Variants in RARB observed in about 807,000 individuals in gnomAD.
The protein encoded by RARB is HBV-activated protein.
A neutral mutation model predicts 51.9 loss-of-function variants in RARB; 17 were observed. The ratio of observed to expected loss-of-function variants is 0.33; its 90% CI spans 0.22 to 0.49. The LOEUF is 0.49. Ranked by LOEUF, RARB falls within the 20% of genes least tolerant of loss-of-function variation. The pLI, the probability that RARB is intolerant of heterozygous loss-of-function variation, is 0.99. For synonymous variants in RARB, 215 were observed against 195.4 expected (o/e 1.10, Z -0.84); for missense variants, 369 against 550.8 (o/e 0.67, Z 3.30).
intron 5 of RARB, among the ~76,000 whole-genome samples, chr3:25,403,735 A>T (rs1707327626): frequency 6.6e-6 from 1 of 151,628 alleles, no homozygotes; most frequent in South Asian, 2.1e-4. Context: ...ATGAGTTCTG[A>T]TATTTTCCTG....
chr3:25,055,575 T>C (rs1243506785), intron 2 of RARB, among the ~76,000 whole-genome samples: 1 of 152,148 alleles, frequency 6.6e-6, no homozygotes, highest in African/African-American at 2.4e-5. Context: ...TTTGGGAAAC[T>C]AGCTGTCTTA....
intron 5 of RARB, among the ~76,000 whole-genome samples, chr3:25,378,436 A>C (rs548433875): frequency 2.6e-5 from 4 of 152,310 alleles, no homozygotes; most frequent in Non-Finnish European, 5.9e-5. Flanking sequence ...CATTGGCTTC[A>C]TCCTATACCC....
At chr3:25,246,170 A>G (rs1389750389) in intron 5 of RARB, among the ~76,000 whole-genome samples, 2 of 152,024 alleles carry the variant, frequency 1.3e-5, no homozygotes, top group Non-Finnish European at 2.9e-5. Flanking sequence ...CAGCTCCATC[A>G]GGTCATGTAT....
chr3:25,372,831 A>G (rs1559375996), intron 5 of RARB, among the ~76,000 whole-genome samples: 1 of 152,230 alleles, frequency 6.6e-6, no homozygotes. Context: ...ATCTCCAAAA[A>G]GGAAAAAAAG....
At chr3:25,291,402 GC>G (rs1333170688) in intron 5 of RARB, among the ~76,000 whole-genome samples, 4 of 151,108 alleles carry the variant, frequency 2.6e-5, no homozygotes, top group African/African-American at 9.7e-5. Context: ...CTGTAAAAAT[GC>G]TTGCCCTAAG....
chr3:25,392,372 G>C (rs891320073), intron 5 of RARB, among the ~76,000 whole-genome samples: 1 of 146,214 alleles, frequency 6.8e-6, no homozygotes, highest in African/African-American at 2.5e-5. Flanking sequence ...GGCTATGTGG[G>C]CTTTTTTTTT....
At chr3:25,199,522 A>G (rs1701337695) in intron 5 of RARB, among the ~76,000 whole-genome samples, 1 of 152,092 alleles carries the variant, frequency 6.6e-6, no homozygotes, top group South Asian at 2.1e-4. Flanking sequence ...TTACATATGT[A>G]TACATGTGCC....
intron 1 of RARB, among the ~76,000 whole-genome samples, chr3:24,855,839 C>T (rs1398213301): frequency 4.7e-5 from 7 of 150,524 alleles, no homozygotes; most frequent in Non-Finnish European, 8.8e-5. Flanking sequence ...GCAAGCTCCG[C>T]GTCCCGGGTT....
chr3:25,464,988 C>T (rs190971788), intron 2 of RARB, among the ~76,000 whole-genome samples: 5 of 151,870 alleles, frequency 3.3e-5, no homozygotes, highest in African/African-American at 1.2e-4. Context: ...CAGTTTTTTT[C>T]GATTATAAAT....
chr3:25,559,768 A>T (rs1011656723), intron 3 of RARB, among the ~76,000 whole-genome samples: 1 of 152,204 alleles, frequency 6.6e-6, no homozygotes, highest in Non-Finnish European at 1.5e-5. Flanking sequence ...ACAGATGAAT[A>T]GATGAAAGGA....
At chr3:24,962,567 G>A (rs1662260791) in intron 2 of RARB, among the ~76,000 whole-genome samples, 1 of 152,178 alleles carries the variant, frequency 6.6e-6, no homozygotes, top group South Asian at 2.1e-4. Flanking sequence ...GAGTTAAGCA[G>A]CAAGCAAACC....
At chr3:25,293,030 T>A (rs1184926197) in intron 5 of RARB, among the ~76,000 whole-genome samples, 1 of 152,210 alleles carries the variant, frequency 6.6e-6, no homozygotes, top group African/African-American at 2.4e-5. Context: ...GTGTTATTTT[T>A]AATTTTTTTC....
chr3:25,266,170 C>T (rs1703120666), intron 5 of RARB, among the ~76,000 whole-genome samples: 1 of 152,144 alleles, frequency 6.6e-6, no homozygotes, highest in African/African-American at 2.4e-5. Context: ...TTCACAGATC[C>T]TGGGTGTTAG....
intron 1 of RARB, among the ~76,000 whole-genome samples, chr3:25,457,388 G>T (rs1194644217): frequency 2.6e-5 from 4 of 152,160 alleles, no homozygotes; most frequent in Non-Finnish European, 5.9e-5. Flanking sequence ...AGAATCTATT[G>T]TACTCACATG....
Position 25,312,499 on chromosome 3 carries a change from G to A in RARB, c.178+137924G>A, listed in dbSNP as rs78160207. On this transcript the variant is annotated intron_variant, in intron 5 of 11. Transcript: ENST00000383772. ...TGGTCAAGTATAGAGGAAAAGTAAA[G>A]CCTGGGAGTTAAAAGTGGGTTTGTA... 4.7e-3 allele frequency among the ~76,000 whole-genome samples: 722 copies of A among 152,254 alleles called. 28 individuals carry two copies. The East Asian group carries it at 0.094, about 20-fold the overall frequency.
At chr3:24,882,266 G>A (rs563375129) in intron 2 of RARB, among the ~76,000 whole-genome samples, 3 of 152,258 alleles carry the variant, frequency 2.0e-5, no homozygotes, top group South Asian at 2.1e-4. Flanking sequence ...CTTTGTACCC[G>A]TGAATTCTGG....
intron 2 of RARB, among the ~76,000 whole-genome samples, chr3:24,931,757 A>G (rs1695445135): frequency 6.6e-6 from 1 of 152,054 alleles, no homozygotes; most frequent in Non-Finnish European, 1.5e-5. Context: ...GGTGTCCCTT[A>G]GACTTGAGCA....
intron 3 of RARB, among the ~76,000 whole-genome samples, chr3:25,070,077 C>T (rs1220860752): frequency 2.0e-5 from 3 of 152,186 alleles, no homozygotes; most frequent in South Asian, 2.1e-4. Flanking sequence ...TTGGCTCTTC[C>T]TAGCTTCTGG....
At chr3:24,984,815 G>A (rs1244723364) in intron 2 of RARB, among the ~76,000 whole-genome samples, 1 of 152,166 alleles carries the variant, frequency 6.6e-6, no homozygotes, top group African/African-American at 2.4e-5. Context: ...ATTTCACTGT[G>A]TATATGTACA....
Sources: allele counts gnomAD v4.1 joint callset (sites outside exome capture counted in the v4.1 genomes callset), GRCh38; gene constraint gnomAD v4.1.1; transcripts MANE v1.5; gene names NCBI Gene and HGNC (gene_info 2026-07-23, HGNC 2026-07-21).